Variants in PTPN5 observed in about 807,000 individuals in gnomAD.
The protein encoded by PTPN5 is tyrosine-protein phosphatase non-receptor type 5.
In PTPN5, 29 loss-of-function variants were observed where a neutral mutation model predicts 73.9. The ratio of observed to expected loss-of-function variants is 0.39; its 90% CI spans 0.29 to 0.54. The LOEUF (loss-of-function observed/expected upper bound fraction) is 0.54. PTPN5 is among the 20% of genes least tolerant of loss of function. The pLI is 0.65. For synonymous variants in PTPN5, 267 were observed against 304.7 expected (o/e 0.88, Z 1.29); for missense variants, 652 against 751.4 (o/e 0.87, Z 1.55).
In PTPN5 at chr11:18,729,006, G is replaced by T; in HGVS notation, c.1626C>A (p.Cys542Ter). The T allele has an allele frequency of 6.2e-7, 1 of 1,613,874 alleles. No individual in the cohort carries two copies. Among genetic ancestry groups the T allele is most frequent in the Non-Finnish European group, 8.5e-7 (1 of 1,179,934 alleles). Reference protein sequence around the residue: ...RQDRGGMIQTCEQYQFVHHVM... With the variant: ...RQDRGGMIQT ...CGTGGTGCACAAACTGGTACTGCTC[G>T]CATGTCTGGATCATGCCGCCCCTGC... is the stretch of plus-strand genomic sequence containing the variant. Residue 542 changes from cysteine (C) to a stop codon, truncating the protein, a stop_gained, in exon 15 of 15, where the codon TGC (cysteine) becomes TGA (stop). Transcript: ENST00000358540. LOFTEE classifies it high-confidence loss of function. This position sits in a 1 kb window ranked among gnomAD's most constrained non-coding sequence, Gnocchi z 5.2.
intron 1 of PTPN5, among the ~76,000 whole-genome samples, chr11:18,787,592 A>T (rs947840579): frequency 4.6e-5 from 7 of 152,118 alleles, no homozygotes; most frequent in African/African-American, 1.7e-4. Flanking sequence ...TTGTTACCCC[A>T]GGGCCTCTGC....
At chr11:18,784,057 C>G (rs1196355327) in intron 1 of PTPN5, among the ~76,000 whole-genome samples, 1 of 152,192 alleles carries the variant, frequency 6.6e-6, no homozygotes, top group South Asian at 2.1e-4. Context: ...TAAGACTTCA[C>G]TCAGTGGTCT....
intron 12 of PTPN5, among the ~76,000 whole-genome samples, chr11:18,731,525 G>A (rs1848876562): frequency 6.6e-6 from 1 of 152,278 alleles, no homozygotes; most frequent in East Asian, 1.9e-4. Flanking sequence ...TTGAGAAGGT[G>A]AGCAGCCCTG....
chr11:18,785,753 GGT>G (rs1455805657), intron 1 of PTPN5, among the ~76,000 whole-genome samples: 46 of 152,204 alleles, frequency 3.0e-4, no homozygotes, highest in South Asian at 6.2e-4. Flanking sequence ...TTCAGGACTT[GGT>G]GTGTCTCTCT....
chr11:18,744,723 G>A (rs1317015167), intron 3 of PTPN5, among the ~76,000 whole-genome samples: 1 of 152,158 alleles, frequency 6.6e-6, no homozygotes, highest in African/African-American at 2.4e-5. Flanking sequence ...CCTGCACGAT[G>A]AGAGGGGCTG....
Position 18,765,819 on chromosome 11 carries a change from C to T in PTPN5, c.85G>A (p.Glu29Lys), listed in dbSNP as rs865867123. ...EGGALDMCCSERLPGLPQPIV... is the reference protein window; with the variant it reads ...EGGALDMCCSKRLPGLPQPIV... Reference sequence around the variant, plus strand: ...TGAGAAGACTCACCCGGTAGCCTCTCACTGCAGCACATGTCCAGGGCCCCT... The same window carrying T: ...TGAGAAGACTCACCCGGTAGCCTCTTACTGCAGCACATGTCCAGGGCCCCT... The change falls in exon 3 of 15, where the codon GAG becomes AAG. Residue 29 changes from glutamate (E) to lysine (K), a missense_variant. Around this residue, in one of 3 missense-constraint regions of PTPN5, gnomAD observed 529 missense variants for 573.9 expected, o/e 0.92. Coordinates refer to ENST00000358540, the MANE Select transcript of PTPN5 (RefSeq NM_006906.2). The T allele has an allele frequency of 6.3e-7, 1 of 1,575,126 alleles. No individual in the cohort carries two copies. The highest frequency in any genetic ancestry group is 2.3e-5 in the East Asian group (1 of 43,210).
intron 9 of PTPN5, among the ~76,000 whole-genome samples, chr11:18,735,793 A>C (rs945079831): frequency 6.6e-6 from 1 of 151,784 alleles, no homozygotes; most frequent in Non-Finnish European, 1.5e-5. Flanking sequence ...AGCTGGACTT[A>C]AACCTGAGGA....
chr11:18,744,867 G>A (rs1849545351), intron 3 of PTPN5, among the ~76,000 whole-genome samples: 1 of 152,240 alleles, frequency 6.6e-6, no homozygotes, highest in Non-Finnish European at 1.5e-5. Flanking sequence ...TTCCCCACCT[G>A]GAAGATGGGG....
chr11:18,749,108 T>G (rs1372353890), intron 3 of PTPN5, among the ~76,000 whole-genome samples: 1 of 152,220 alleles, frequency 6.6e-6, no homozygotes, highest in Non-Finnish European at 1.5e-5. Context: ...TTGACAGCCC[T>G]ATGAGGTAGA....
Position 18,742,468 on chromosome 11 carries a change from G to A in PTPN5, c.519C>T (p.Pro173=), listed in dbSNP as rs776666242. The A allele has an allele frequency of 1.2e-5, 20 of 1,613,876 alleles. No homozygotes were observed. The highest frequency in any genetic ancestry group is 1.6e-4 in the Middle Eastern group (1 of 6,080). The change falls in exon 7 of 15, where the codon CCC becomes CCT. Residue 173 remains proline (P), a synonymous_variant. Transcript: ENST00000358540. The surrounding 1 kb of genome is among the most constrained non-coding windows in gnomAD (Gnocchi z 4.1). ...GCCTGTCCTCAGGGGGCAGTGGGGT[G>A]GGTGGCTCTGGGGGTGTCCTCAGGA... The part of the protein sequence containing the change: ...WHLLRTPPEP[P]TPLPPEDRRQ...
intron 9 of PTPN5, 32 bp downstream of exon 9, chr11:18,737,848 G>A (rs1348565689): frequency 1.3e-6 from 2 of 1,581,726 alleles, no homozygotes; most frequent in Non-Finnish European, 1.7e-6. Flanking sequence ...AGCTGAGCCT[G>A]CCCCCATCCC....
intron 3 of PTPN5, among the ~76,000 whole-genome samples, chr11:18,753,056 G>A (rs188987623): frequency 6.6e-6 from 1 of 152,342 alleles, no homozygotes; most frequent in Non-Finnish European, 1.5e-5. Flanking sequence ...AAAGTCTAAG[G>A]CTTGAGGCCC....
intron 3 of PTPN5, among the ~76,000 whole-genome samples, chr11:18,761,082 G>A (rs372313110): frequency 6.9e-4 from 105 of 152,354 alleles, no homozygotes; most frequent in East Asian, 2.3e-3. Flanking sequence ...ATGCATGCAC[G>A]CAAGCAATGG....
At chr11:18,740,361 G>A in intron 8 of PTPN5, 1 of 355,460 alleles carries the variant, frequency 2.8e-6, no homozygotes, top group East Asian at 4.5e-5. Context: ...TGGGTGCTCT[G>A]CACATGTTAT....
At chr11:18,776,996 T>C (rs1442124805) in intron 1 of PTPN5, among the ~76,000 whole-genome samples, 4 of 152,124 alleles carry the variant, frequency 2.6e-5, no homozygotes, top group Non-Finnish European at 5.9e-5. Flanking sequence ...ACCCTGTCTC[T>C]ACTAAAAATA....
chr11:18,781,527 C>T (rs1851431369), intron 1 of PTPN5, among the ~76,000 whole-genome samples: 1 of 152,026 alleles, frequency 6.6e-6, no homozygotes, highest in South Asian at 2.1e-4. Context: ...ACCATATTGG[C>T]TAGGGTGGTG....
Position 18,765,714 on chromosome 11 carries a change from A to G in PTPN5, c.97+93T>C, listed in dbSNP as rs1271676136. 29 of 845,522 alleles carry G rather than the reference A, an allele frequency of 3.4e-5. No individual in the cohort carries two copies. In the East Asian group the frequency reaches 5.1e-4, roughly 15 times the overall value. 52.4% of individuals were successfully genotyped at this position (845,522 alleles called of 1,614,324 possible). ...CATGGATATTCTTGCGCAAGTTCAC[A>G]GCTAGCTAGGCTTTACTCCAGCCCC... On this transcript the variant is annotated intron_variant, in intron 3 of 14. Coordinates refer to ENST00000358540, the MANE Select transcript of PTPN5 (RefSeq NM_006906.2).
chr11:18,742,845 A>G lies in PTPN5; in HGVS notation c.483+147T>C. The G allele has an allele frequency of 1.5e-6, 1 of 682,818 alleles. No homozygotes were observed. The highest frequency in any genetic ancestry group is 2.5e-6 in the Non-Finnish European group (1 of 396,168). The allele number at this position is 682,818 out of a possible 1,614,324, so 42.3% of individuals were successfully genotyped here. On this transcript the variant is annotated intron_variant, in intron 6 of 14. Transcript: ENST00000358540. The surrounding 1 kb of genome is among the most constrained non-coding windows in gnomAD (Gnocchi z 4.1). ...TCGGAAAGAAGGAGGCTCTTGCCCC[A>G]GGCTGGCACACTTGTGCAAAGAGAT... is the stretch of plus-strand genomic sequence containing the variant.
At position 18,781,164 on chromosome 11, in the gene PTPN5, C is replaced by T. The variant is rs532391619; in HGVS notation, c.-113-9093G>A. Among the ~76,000 whole-genome samples, 54 of 152,210 alleles carry T rather than the reference C, an allele frequency of 3.5e-4. No homozygotes were observed. The East Asian group carries it at 0.01, about 29-fold the overall frequency. ...CGCACCCCCCCGGCCCCGCCCCGGCCCCCTTGACTCCCTGAGCTGCGCTAC... is the reference window on the plus strand; with the variant it reads ...CGCACCCCCCCGGCCCCGCCCCGGCTCCCTTGACTCCCTGAGCTGCGCTAC... On this transcript the variant is annotated intron_variant, in intron 1 of 14. Coordinates refer to ENST00000358540, the MANE Select transcript of PTPN5 (RefSeq NM_006906.2).
Sources: gnomAD v4.1 joint callset for allele counts (sites outside exome capture counted in the v4.1 genomes callset) on GRCh38, gnomAD v4.1.1 for gene constraint, gnomAD v4.1.1 regional missense constraint, Gnocchi (gnomAD v3.1) non-coding constraint, MANE v1.5 for transcripts, NCBI Gene and HGNC (gene_info 2026-07-23, HGNC 2026-07-21) for gene names.